The following CLPB variants were observed in gnomAD, a reference collection of about 807,000 sequenced individuals.
The protein encoded by CLPB is mitochondrial disaggregase.
Under a neutral mutation model 78.4 loss-of-function variants are expected in CLPB, and 40 were observed. The observed-to-expected ratio is 0.51, with a 90% CI of 0.40 to 0.66. The LOEUF is 0.66. Ranked by LOEUF, CLPB falls within the 30% of genes least tolerant of loss-of-function variation. CLPB has a pLI of 0.00. For missense variants in CLPB, 780 were observed against 886.9 expected (o/e 0.88, Z 1.53); for synonymous variants, 333 against 348.0 (o/e 0.96, Z 0.48).
chr11:72,348,687 T>C (rs2135585247), intron 5 of CLPB, among the ~76,000 whole-genome samples: 1 of 152,376 alleles, frequency 6.6e-6, no homozygotes. Flanking sequence ...TCCTGTTATC[T>C]ACTGTCCTGC....
chr11:72,433,360 C>G (rs910989655), intron 1 of CLPB, among the ~76,000 whole-genome samples: 1 of 151,946 alleles, frequency 6.6e-6, no homozygotes, highest in African/African-American at 2.4e-5. Flanking sequence ...GAGATCGAGA[C>G]CATCCTGACC....
At chr11:72,357,000 T>C (rs569869494) in intron 5 of CLPB, 1 of 152,374 alleles carries the variant, frequency 6.6e-6, no homozygotes, top group South Asian at 2.1e-4. Context: ...AGCTTTCTGC[T>C]TGGGGATGTT....
intron 2 of CLPB, among the ~76,000 whole-genome samples, chr11:72,403,675 A>G (rs1056912494): frequency 6.6e-6 from 1 of 152,224 alleles, no homozygotes; most frequent in Non-Finnish European, 1.5e-5. Flanking sequence ...CTTCAACTCA[A>G]GGAAAGATGG....
At chr11:72,370,092 A>T (rs1951016385) in intron 4 of CLPB, among the ~76,000 whole-genome samples, 1 of 152,316 alleles carries the variant, frequency 6.6e-6, no homozygotes. Flanking sequence ...CCTTCCTGCT[A>T]TCCATATAAA....
chr11:72,381,283 C>T (rs190257379), intron 3 of CLPB, among the ~76,000 whole-genome samples: 105 of 152,266 alleles, frequency 6.9e-4, no homozygotes, highest in African/African-American at 2.5e-3. Flanking sequence ...TGAAACCAGG[C>T]CCACTCCAGT....
chr11:72,432,163 G>A (rs954063550), intron 1 of CLPB, among the ~76,000 whole-genome samples: 7 of 152,072 alleles, frequency 4.6e-5, no homozygotes, highest in Non-Finnish European at 1.0e-4. Context: ...TGGCTGCTCT[G>A]CTGGCCCCTG....
intron 1 of CLPB, among the ~76,000 whole-genome samples, chr11:72,430,832 G>A (rs1310773276): frequency 1.3e-5 from 2 of 152,164 alleles, no homozygotes; most frequent in African/African-American, 4.8e-5. Context: ...AGCAAGCAGG[G>A]TGTAGGCCTC....
chr11:72,343,129 G>C (rs1022049919), intron 5 of CLPB, among the ~76,000 whole-genome samples: 1 of 152,182 alleles, frequency 6.6e-6, no homozygotes, highest in Non-Finnish European at 1.5e-5. Flanking sequence ...GCCAAGTAGA[G>C]CCCTCTGCTT....
chr11:72,381,202 G>T (rs746948928), intron 3 of CLPB, among the ~76,000 whole-genome samples: 1 of 152,100 alleles, frequency 6.6e-6, no homozygotes, highest in South Asian at 2.1e-4. Flanking sequence ...AACTCCAGGC[G>T]GTACACATGG....
At position 72,306,268 on chromosome 11, in the gene CLPB, G is replaced by A. The variant is rs147246181; in HGVS notation, c.1122+931C>T. Among the ~76,000 whole-genome samples, 128 of 152,308 alleles carry A rather than the reference G, an allele frequency of 8.4e-4. 1 individual carries two copies. In the East Asian group the frequency reaches 0.023, roughly 27 times the overall value. ...TACCTTGTTTCTGTGGCTGCCAGTG[G>A]GGCAGGCAAGCCAGAAAGAGAACAG... On this transcript the variant is annotated intron_variant, in intron 9 of 15. Coordinates refer to ENST00000538039, the MANE Select transcript of CLPB (RefSeq NM_001258392.3).
At chr11:72,354,734 T>G (rs769823082) in intron 5 of CLPB, 76 of 171,460 alleles carry the variant, frequency 4.4e-4, no homozygotes, top group Non-Finnish European at 6.5e-4. Flanking sequence ...CTGTGGCGGT[T>G]GGGAGTAGAA....
chr11:72,384,371 A>G (rs1484101377), intron 3 of CLPB, among the ~76,000 whole-genome samples: 2 of 152,240 alleles, frequency 1.3e-5, no homozygotes, highest in African/African-American at 4.8e-5. Context: ...AAAATACAGA[A>G]TATGTTTGTG....
At chr11:72,388,988 C>A (rs753172807) in intron 3 of CLPB, among the ~76,000 whole-genome samples, 5 of 152,080 alleles carry the variant, frequency 3.3e-5, no homozygotes, top group African/African-American at 4.8e-5. Flanking sequence ...GGGCCACACA[C>A]CAGGCAGCAA....
chr11:72,325,746 G>A (rs568399520), intron 6 of CLPB, among the ~76,000 whole-genome samples: 3 of 152,208 alleles, frequency 2.0e-5, no homozygotes, highest in East Asian at 1.9e-4. Context: ...TCTGATAATC[G>A]AGGACATAAT....
At chr11:72,421,427 G>C (rs1289694915) in intron 2 of CLPB, among the ~76,000 whole-genome samples, 1 of 152,206 alleles carries the variant, frequency 6.6e-6, no homozygotes, top group Non-Finnish European at 1.5e-5. Flanking sequence ...ATCACTGGGG[G>C]ATCAGGGAAG....
chr11:72,377,464 GAT>G (rs1565471603), intron 4 of CLPB, among the ~76,000 whole-genome samples: 1 of 152,138 alleles, frequency 6.6e-6, no homozygotes, highest in African/African-American at 2.4e-5. Flanking sequence ...AATAAGAAGA[GAT>G]AGTTAATATT....
At chr11:72,431,417 G>C (rs1346685785) in intron 1 of CLPB, among the ~76,000 whole-genome samples, 2 of 152,216 alleles carry the variant, frequency 1.3e-5, no homozygotes, top group African/African-American at 2.4e-5. Context: ...GAGACAGTCA[G>C]ACCTGGGGTC....
At chr11:72,381,261 T>G (rs1854905030) in intron 3 of CLPB, among the ~76,000 whole-genome samples, 1 of 152,124 alleles carries the variant, frequency 6.6e-6, no homozygotes, top group Admixed American at 6.5e-5. Flanking sequence ...GGCTGGACTT[T>G]GCCTTGGACC....
Position 72,372,829 on chromosome 11 carries a change from A to G in CLPB, c.646+7452T>C, listed in dbSNP as rs943752534. Reference sequence around the variant, plus strand: ...GCTGGGCACACAGTGGGTGCTGGGTAGTTAACTTATACTGAGTAAAAGAGA... The same window carrying G: ...GCTGGGCACACAGTGGGTGCTGGGTGGTTAACTTATACTGAGTAAAAGAGA... On this transcript the variant is annotated intron_variant, in intron 4 of 15. Coordinates refer to ENST00000538039, the MANE Select transcript of CLPB (RefSeq NM_001258392.3). 1.0e-5 allele frequency: 11 copies of G among 1,058,892 alleles called. No individual in the cohort carries two copies. The Admixed American group carries it at 1.7e-4, about 16-fold the overall frequency. The allele number at this position is 1,058,892 out of a possible 1,614,324, so 65.6% of individuals were successfully genotyped here.
Sources: gnomAD v4.1 joint callset for allele counts (sites outside exome capture counted in the v4.1 genomes callset) on GRCh38, gnomAD v4.1.1 for gene constraint, MANE v1.5 for transcripts, NCBI Gene and HGNC (gene_info 2026-07-23, HGNC 2026-07-21) for gene names.